ZNF79: variants seen among roughly 807,000 people sequenced by gnomAD.
ZNF79 encodes the protein zinc finger protein 79.
In ZNF79, 13 loss-of-function variants were observed where a neutral mutation model predicts 14.9. The ratio of observed to expected loss-of-function variants is 0.87; its 90% CI spans 0.57 to 1.38. ZNF79 has a LOEUF of 1.38. Ranked by LOEUF, ZNF79 falls within the 40% of genes most tolerant of loss-of-function variation. ZNF79 has a pLI of 0.00. For synonymous variants in ZNF79, 223 were observed against 235.1 expected, an observed-to-expected ratio of 0.95 and a Z score of 0.47; for missense variants, 631 against 630.6, an observed-to-expected ratio of 1.00 and a Z score of -0.01.
At chr9:127,426,439 A>C (rs974160300) in intron 1 of ZNF79, among the ~76,000 whole-genome samples, 1 of 143,906 alleles carries the variant, frequency 6.9e-6, no homozygotes, top group African/African-American at 2.6e-5. Flanking sequence ...CGATGGTGCG[A>C]TCTCAGCTCA....
chr9:127,435,026 T>TAACC, intron 2 of ZNF79, 64 bp from the exon 3 acceptor site: 3 of 1,510,728 alleles, frequency 2.0e-6, no homozygotes, highest in Non-Finnish European at 2.7e-6. Flanking sequence ...CTGCCAACGT[T>TAACC]AACCACCCCT....
intron 1 of ZNF79, among the ~76,000 whole-genome samples, chr9:127,425,442 G>A (rs569772462): frequency 4.3e-4 from 66 of 152,264 alleles, no homozygotes; most frequent in African/African-American, 1.4e-3. Context: ...TGTGTAAGCA[G>A]GCAACCTCTT....
intron 4 of ZNF79, among the ~76,000 whole-genome samples, chr9:127,440,207 G>T (rs188181705): frequency 2.0e-5 from 3 of 152,290 alleles, no homozygotes; most frequent in African/African-American, 4.8e-5. Context: ...AGAAAATAAA[G>T]CTGCGCAAGG....
intron 4 of ZNF79, among the ~76,000 whole-genome samples, chr9:127,441,806 G>T (rs191380830): frequency 1.3e-5 from 2 of 152,090 alleles, no homozygotes; most frequent in Non-Finnish European, 2.9e-5. Flanking sequence ...TTAGCCGGGC[G>T]TGGTGGCGGG....
At chr9:127,435,344 C>G in intron 3 of ZNF79, 128 bp downstream of exon 3, 1 of 1,171,514 alleles carries the variant, frequency 8.5e-7, no homozygotes, top group South Asian at 1.8e-5. Context: ...TCCTCTTGTT[C>G]TCTTGGGGAA....
In ZNF79 at chr9:127,445,249, G is replaced by T. The variant is rs982570039; in HGVS notation, c.*52G>T. The T allele has an allele frequency of 3.2e-6, 5 of 1,569,434 alleles. No individual in the cohort carries two copies. The African/African-American group carries it at 4.1e-5, about 13-fold the overall frequency. ...GTCCCGGACATGCCGACTCAGGACA[G>T]GTGGGTGAGGATCTGAGAAATGCTA... On this transcript the variant is annotated 3_prime_UTR_variant, in exon 5 of 5. Coordinates refer to ENST00000342483, the MANE Select transcript of ZNF79 (RefSeq NM_007135.3).
chr9:127,444,339 G>A lies in ZNF79; in HGVS notation c.639G>A (p.Lys213=). 6.2e-7 allele frequency: 1 copy of A among 1,614,084 alleles called. No individual in the cohort carries two copies. Among genetic ancestry groups the A allele is most frequent in the Non-Finnish European group, 8.5e-7 (1 of 1,179,902 alleles). The change falls in exon 5 of 5, where the codon AAG becomes AAA. Residue 213 remains lysine (K), a synonymous_variant. Transcript: ENST00000342483. The stretch of plus-strand genomic sequence containing the variant: ...GTTCTTCCCTTTCTCAGCATCAGAA[G>A]AGCCACACTGGAGAGAAGCCCTATG... ...SYCSSLSQHQ[K]SHTGEKPYEC...
chr9:127,427,810 C>G (rs893618490), intron 1 of ZNF79, among the ~76,000 whole-genome samples: 2 of 151,952 alleles, frequency 1.3e-5, no homozygotes, highest in African/African-American at 4.8e-5. Flanking sequence ...CGTTTTCACT[C>G]AGCCTCTTCA....
At chr9:127,425,464 C>G (rs145858462) in intron 1 of ZNF79, among the ~76,000 whole-genome samples, 352 of 152,264 alleles carry the variant, frequency 2.3e-3, no homozygotes, top group African/African-American at 8.1e-3. Context: ...TAAGTCTTAA[C>G]CACCAACACC....
chr9:127,432,532 T>A (rs1833879943), intron 2 of ZNF79, among the ~76,000 whole-genome samples: 1 of 148,900 alleles, frequency 6.7e-6, no homozygotes, highest in African/African-American at 2.4e-5. Context: ...GGCTATGTAT[T>A]TTTTTTTTTT....
chr9:127,442,806 G>C (rs1295886755), intron 4 of ZNF79, among the ~76,000 whole-genome samples: 1 of 152,148 alleles, frequency 6.6e-6, no homozygotes. Context: ...AGGCTGCAGT[G>C]AGCCATGATC....
Position 127,444,185 on chromosome 9 carries a change from G to A in ZNF79, c.485G>A (p.Arg162Lys), listed in dbSNP as rs781036831. 2 of 1,613,892 alleles carry A rather than the reference G, an allele frequency of 1.2e-6. No individual in the cohort carries two copies. Among genetic ancestry groups the A allele is most frequent in the African/African-American group, 1.3e-5 (1 of 74,912 alleles). The change falls in exon 5 of 5, where the codon AGA becomes AAA. Residue 162 changes from arginine (R) to lysine (K), a missense_variant. Arg to Lys is a conservative substitution (Grantham distance 26). Coordinates refer to ENST00000342483, the MANE Select transcript of ZNF79 (RefSeq NM_007135.3). ...NLRPVLSPQQRVPVEARPRKC... is the reference protein window; with the variant it reads ...NLRPVLSPQQKVPVEARPRKC... ...AGACCAGTCCTCTCTCCGCAACAGA[G>A]AGTGCCCGTGGAAGCGAGACCTCGC...
intron 1 of ZNF79, 183 bp downstream of exon 1, chr9:127,424,986 C>T: frequency 4.8e-6 from 7 of 1,450,512 alleles, no homozygotes; most frequent in South Asian, 1.4e-5. Context: ...TGTGCCCCTA[C>T]AGTCCTTTTT....
chr9:127,424,623 C>T lies in ZNF79; in HGVS notation c.-165C>T, dbSNP rs1247900185. 2 of 1,068,552 alleles carry T rather than the reference C, an allele frequency of 1.9e-6. No homozygotes were observed. The highest frequency in any genetic ancestry group is 2.7e-6 in the Non-Finnish European group (2 of 731,676). 66.2% of individuals were successfully genotyped at this position (1,068,552 alleles called of 1,614,324 possible). On this transcript the variant is annotated 5_prime_UTR_variant, in exon 1 of 5. Transcript: ENST00000342483. ...GGCAGGCCCGGACAGCTCCCGCGACCCAGCACCGCAGGATCAGACCGTGCC... is the reference window on the plus strand; with the variant it reads ...GGCAGGCCCGGACAGCTCCCGCGACTCAGCACCGCAGGATCAGACCGTGCC...
At position 127,444,316 on chromosome 9, in the gene ZNF79, TC is replaced by T; in HGVS notation, c.617del (p.Ser206PhefsTer200). 6.2e-7 allele frequency: 1 copy of T among 1,614,172 alleles called. No individual in the cohort carries two copies. Among genetic ancestry groups the T allele is most frequent in the African/African-American group, 1.3e-5 (1 of 75,040 alleles). ...NECGKAFSYC[S>X]SLSQHQKSHT... ...ATGTGGCAAAGCCTTCAGTTACTGT[TC>T]TTCCCTTTCTCAGCATCAGAAGAGC... On this transcript the variant is annotated frameshift_variant, in exon 5 of 5. Transcript: ENST00000342483. LOFTEE classifies it low-confidence loss of function (END_TRUNC).
chr9:127,429,926 C>T (rs1455538951), intron 2 of ZNF79, among the ~76,000 whole-genome samples: 1 of 151,824 alleles, frequency 6.6e-6, no homozygotes, highest in Non-Finnish European at 1.5e-5. Context: ...AAGCGATTCT[C>T]CTGCCTCAGC....
chr9:127,438,700 TC>T (rs1833992219), intron 4 of ZNF79, among the ~76,000 whole-genome samples: 1 of 151,810 alleles, frequency 6.6e-6, no homozygotes, highest in Non-Finnish European at 1.5e-5. Flanking sequence ...GAAATGGGGG[TC>T]GTAAGGCCCA....
intron 4 of ZNF79, among the ~76,000 whole-genome samples, chr9:127,443,110 T>C (rs1448437356): frequency 6.6e-6 from 1 of 152,154 alleles, no homozygotes; most frequent in Admixed American, 6.5e-5. Context: ...ATAACTTTGT[T>C]GTAGTGGAAG....
intron 2 of ZNF79, among the ~76,000 whole-genome samples, chr9:127,433,746 G>A: frequency 6.6e-6 from 1 of 152,154 alleles, no homozygotes; most frequent in East Asian, 1.9e-4. Context: ...TAGTTACCTT[G>A]CTAACAGACC....
Sources: allele counts gnomAD v4.1 joint callset (sites outside exome capture counted in the v4.1 genomes callset), GRCh38; gene constraint gnomAD v4.1.1; transcripts MANE v1.5; gene names NCBI Gene and HGNC (gene_info 2026-07-23, HGNC 2026-07-21).